Variants in BMI1 observed in about 807,000 individuals in gnomAD.
The protein encoded by BMI1 is polycomb complex protein BMI-1.
BMI1 carries 9 observed loss-of-function variants against 39.1 expected under a neutral mutation model. The ratio of observed to expected loss-of-function variants is 0.23; its 90% CI spans 0.14 to 0.40. BMI1 has a LOEUF of 0.40. Ranked by LOEUF, BMI1 falls within the 10% of genes least tolerant of loss-of-function variation. BMI1 has a pLI of 1.00. For missense variants in BMI1, 252 were observed against 390.8 expected (o/e 0.64, Z 2.99); for synonymous variants, 131 against 127.9 (o/e 1.02, Z -0.16).
chr10:22,328,517 C>A, intron 7 of BMI1, 83 bp from the exon 8 acceptor site: 1 of 1,441,020 alleles, frequency 6.9e-7, no homozygotes, highest in Non-Finnish European at 9.3e-7. Context: ...ATACTAGTAT[C>A]TTTTATATTC....
At position 22,321,431 on chromosome 10, in the gene BMI1, A is replaced by G; in HGVS notation, c.-285A>G. 6.2e-6 allele frequency: 1 copy of G among 160,348 alleles called. No individual in the cohort carries two copies. The highest frequency in any genetic ancestry group is 1.9e-4 in the East Asian group (1 of 5,242). 9.9% of individuals were successfully genotyped at this position (160,348 alleles called of 1,614,324 possible). Reference sequence around the variant, plus strand: ...GAGGCCCCGGAGGAGGAGGCGTTGGAGGTCGAGGCGGAGGCGGAGGAGGAG... The same window carrying G: ...GAGGCCCCGGAGGAGGAGGCGTTGGGGGTCGAGGCGGAGGCGGAGGAGGAG... On this transcript the variant is annotated 5_prime_UTR_variant, in exon 1 of 10. Transcript: ENST00000376663.
chr10:22,327,684 G>T, intron 4 of BMI1, 34 bp downstream of exon 4: 1 of 1,612,514 alleles, frequency 6.2e-7, no homozygotes, highest in South Asian at 1.1e-5. Context: ...AATTTAAAGA[G>T]ATTATTCATT....
At position 22,328,197 on chromosome 10, in the gene BMI1, A is replaced by G; in HGVS notation, c.471+18A>G. ...AGGAGGAGGTATGTTTCATGTTACA[A>G]AAACATATAGAAGAAACATTGTTTG... On this transcript the variant is annotated intron_variant, in intron 7 of 9. Coordinates refer to ENST00000376663, the MANE Select transcript of BMI1 (RefSeq NM_005180.9). The G allele has an allele frequency of 6.3e-7, 1 of 1,592,078 alleles. No individual in the cohort carries two copies. Among genetic ancestry groups the G allele is most frequent in the East Asian group, 2.2e-5 (1 of 44,548 alleles).
In BMI1 at chr10:22,328,164, G is replaced by T; in HGVS notation, c.456G>T (p.Glu152Asp). 1 of 1,599,820 alleles carries T rather than the reference G, an allele frequency of 6.3e-7. No homozygotes were observed. Among genetic ancestry groups the T allele is most frequent in the African/African-American group, 1.3e-5 (1 of 74,092 alleles). The change falls in exon 7 of 10, where the codon GAG becomes GAT. Residue 152 changes from glutamate to aspartate, a missense_variant. Around this residue, in one of 4 missense-constraint regions of BMI1, gnomAD observed 67 missense variants for 69.9 expected, o/e 0.96. Transcript: ENST00000376663. Reference sequence around the variant, plus strand: ...ATCGGAAAGTAAACAAAGACAAAGAGAAATCTAAGGAGGAGGTATGTTTCA... The same window carrying T: ...ATCGGAAAGTAAACAAAGACAAAGATAAATCTAAGGAGGAGGTATGTTTCA... ...RLDRKVNKDK[E>D]KSKEEVNDKR...
intron 7 of BMI1, 70 bp from the exon 8 acceptor site, chr10:22,328,526 TCAAG>T: frequency 7.4e-6 from 11 of 1,482,104 alleles, no homozygotes; most frequent in South Asian, 6.8e-5. Context: ...TCTTTTATAT[TCAAG>T]CAATCAAATT....
chr10:22,322,576 G>C (rs933083513), intron 1 of BMI1, among the ~76,000 whole-genome samples: 2 of 152,202 alleles, frequency 1.3e-5, no homozygotes, highest in African/African-American at 4.8e-5. Context: ...GGAGCTTTTT[G>C]TGGAGTGAAG....
intron 1 of BMI1, chr10:22,326,163 C>G (rs181609603): frequency 6.3e-4 from 209 of 333,062 alleles, no homozygotes; most frequent in Non-Finnish European, 8.4e-4. Context: ...GACCCTAATA[C>G]GCTCAGCTCC....
rs764175473 is a variant in BMI1 at position 22,326,594 on chromosome 10, A to C, written c.112+33A>C. 22 of 1,603,654 alleles carry C rather than the reference A, an allele frequency of 1.4e-5. No individual in the cohort carries two copies. The South Asian group carries it at 2.5e-4, about 18-fold the overall frequency. On this transcript the variant is annotated intron_variant, in intron 2 of 9. Coordinates refer to ENST00000376663, the MANE Select transcript of BMI1 (RefSeq NM_005180.9). ...CCGAGCTTTAGCTCTCTTTTGTATC[A>C]TGCGTATTTCACAGTTCGACCTGGA...
chr10:22,323,503 G>T (rs1475287073), intron 1 of BMI1, among the ~76,000 whole-genome samples: 1 of 152,250 alleles, frequency 6.6e-6, no homozygotes, highest in Admixed American at 6.5e-5. Context: ...TGTTAAGTGT[G>T]CAGATAGGCT....
chr10:22,327,715 A>G (rs776625889), intron 4 of BMI1, 27 bp from the exon 5 acceptor site: 1 of 1,613,260 alleles, frequency 6.2e-7, no homozygotes. Flanking sequence ...GTTATGCCAA[A>G]TGTTTACATC....
At position 22,327,038 on chromosome 10, in the gene BMI1, T is replaced by C. The variant is rs368211499; in HGVS notation, c.209+52T>C. On this transcript the variant is annotated intron_variant, in intron 3 of 9. Coordinates refer to ENST00000376663, the MANE Select transcript of BMI1 (RefSeq NM_005180.9). The stretch of plus-strand genomic sequence containing the variant: ...TGTAATTATTATTGGAGTTGTATAA[T>C]TTACTGAAGGCAACCCTCTTTATTT... 1.4e-4 allele frequency: 216 copies of C among 1,586,166 alleles called. No homozygotes were observed. In the African/African-American group the frequency reaches 2.3e-3, roughly 17 times the overall value.
chr10:22,325,021 C>T (rs755737303), intron 1 of BMI1, among the ~76,000 whole-genome samples: 4 of 152,170 alleles, frequency 2.6e-5, no homozygotes, highest in African/African-American at 4.8e-5. Flanking sequence ...ATGGGCTGGT[C>T]ACATGGTTCT....
At position 22,327,730 on chromosome 10, in the gene BMI1, T is replaced by A. The variant is rs775196246; in HGVS notation, c.266-12T>A. ...GTTATGCCAAATGTTTACATCTTTT[T>A]TCCCCATTCAGATGAAATGAAGAGA... On this transcript the variant is annotated splice_polypyrimidine_tract_variant and intron_variant, in intron 4 of 9. Coordinates refer to ENST00000376663, the MANE Select transcript of BMI1 (RefSeq NM_005180.9). The A allele has an allele frequency of 6.2e-7, 1 of 1,613,406 alleles. No homozygotes were observed. The highest frequency in any genetic ancestry group is 1.7e-5 in the Admixed American group (1 of 60,018).
At chr10:22,323,413 T>G (rs1022081017) in intron 1 of BMI1, among the ~76,000 whole-genome samples, 21 of 152,214 alleles carry the variant, frequency 1.4e-4, no homozygotes, top group African/African-American at 4.8e-4. Flanking sequence ...TGTATACACA[T>G]AAAGCTTTTG....
In BMI1 at chr10:22,329,595, C is replaced by T. The variant is rs540036739; in HGVS notation, c.*53C>T. The T allele has an allele frequency of 7.1e-6, 11 of 1,559,490 alleles. No individual in the cohort carries two copies. The highest frequency in any genetic ancestry group is 1.7e-4 in the Middle Eastern group (1 of 5,808). Reference sequence around the variant, plus strand: ...TTAAACCCCTGATTTATATAGATATCTTCATGCCATTACAGCTTTCTAGAT... The same window carrying T: ...TTAAACCCCTGATTTATATAGATATTTTCATGCCATTACAGCTTTCTAGAT... On this transcript the variant is annotated 3_prime_UTR_variant, in exon 10 of 10. Coordinates refer to ENST00000376663, the MANE Select transcript of BMI1 (RefSeq NM_005180.9).
At chr10:22,323,461 A>T (rs766691975) in intron 1 of BMI1, among the ~76,000 whole-genome samples, 1 of 152,354 alleles carries the variant, frequency 6.6e-6, no homozygotes, top group South Asian at 2.1e-4. Context: ...TGATAAATCC[A>T]TTAATACTCT....
chr10:22,325,568 G>A (rs1392666894), intron 1 of BMI1: 1 of 112,644 alleles, frequency 8.9e-6, no homozygotes, highest in East Asian at 2.7e-4. Context: ...CCCCCCCGGC[G>A]TCGCCGCACC....
chr10:22,325,590 C>G (rs1233426707), intron 1 of BMI1: 3 of 145,566 alleles, frequency 2.1e-5, no homozygotes, highest in Non-Finnish European at 3.1e-5. Context: ...ACCCCGCCCC[C>G]GCGCCGGCCC....
chr10:22,329,174 A>G (rs111703925), intron 9 of BMI1, 39 bp from the exon 10 acceptor site: 31 of 1,610,520 alleles, frequency 1.9e-5, no homozygotes, highest in African/African-American at 1.7e-4. Flanking sequence ...AACTATATTT[A>G]AAGAATTAAG....
Sources: allele counts gnomAD v4.1 joint callset (sites outside exome capture counted in the v4.1 genomes callset), GRCh38; gene constraint gnomAD v4.1.1; regional missense constraint gnomAD v4.1.1; transcripts MANE v1.5; gene names NCBI Gene and HGNC (gene_info 2026-07-23, HGNC 2026-07-21).